Variants in NUDT17 observed in about 807,000 individuals in gnomAD.
NUDT17 encodes nudix hydrolase 17.
Under a neutral mutation model 38.6 loss-of-function variants are expected in NUDT17, and 38 were observed. The ratio of observed to expected loss-of-function variants is 0.98; its 90% CI spans 0.76 to 1.29. The LOEUF (loss-of-function observed/expected upper bound fraction) is 1.29. Among genes scored for constraint, NUDT17 ranks in the 50% most tolerant of loss-of-function variants. The pLI, the probability that NUDT17 is intolerant of heterozygous loss-of-function variation, is 0.00. For synonymous variants in NUDT17, 192 were observed against 167.8 expected, an observed-to-expected ratio of 1.14 and a Z score of -1.11; for missense variants, 462 against 415.2, an observed-to-expected ratio of 1.11 and a Z score of -0.98.
Position 145,845,763 on chromosome 1 carries a change from CT to C in NUDT17, c.125del (p.Leu42Ter). 1 of 1,583,522 alleles carries C rather than the reference CT, an allele frequency of 6.3e-7. No individual in the cohort carries two copies. The highest frequency in any genetic ancestry group is 8.6e-7 in the Non-Finnish European group (1 of 1,165,436). ...TCGGGACGTGGCCCATTCACTGCAG[CT>C]TGAAGCGAGGACGGCTTGTCCTCTC... is the stretch of plus-strand genomic sequence containing the variant. ...GLGTWPIHCS[L>X]KRGRLVLSSR... On this transcript the variant is annotated frameshift_variant, in exon 1 of 8. Coordinates refer to ENST00000334513, the MANE Select transcript of NUDT17 (RefSeq NM_001012758.3). LOFTEE classifies it high-confidence loss of function.
Position 145,845,702 on chromosome 1 carries a change from GGAGT to G in NUDT17, c.64_67del (p.Ser22CysfsTer20), listed in dbSNP as rs1408833503. The G allele has an allele frequency of 6.5e-7, 1 of 1,549,816 alleles. No individual in the cohort carries two copies. The highest frequency in any genetic ancestry group is 2.4e-5 in the East Asian group (1 of 41,100). On this transcript the variant is annotated frameshift_variant, in exon 1 of 8. Transcript: ENST00000334513. LOFTEE classifies it high-confidence loss of function. ...CGTCCGGAGTCGGTGAGCTTCGCAC[GGAGT>G]GTGTGTGGCCTCCTGGGAGCCGGAC...
chr1:145,848,329 C>A, intron 7 of NUDT17, 48 bp from the exon 8 acceptor site: 1 of 1,611,826 alleles, frequency 6.2e-7, no homozygotes, highest in Non-Finnish European at 8.5e-7. Context: ...TTTTTACAGG[C>A]ACGGGGGAAA....
rs782792008 is a variant in NUDT17, at chr1:145,848,474, A to G, written c.982A>G (p.Lys328Glu). 7 of 1,610,674 alleles carry G rather than the reference A, an allele frequency of 4.3e-6. No individual in the cohort carries two copies. The highest frequency in any genetic ancestry group is 5.9e-6 in the Non-Finnish European group (7 of 1,177,254). Residue 328 changes from lysine to glutamate, a missense_variant, in exon 8 of 8, where the codon AAG becomes GAG. Coordinates refer to ENST00000334513, the MANE Select transcript of NUDT17 (RefSeq NM_001012758.3). ...DPLPPNQGSG[K>E] Reference sequence around the variant, plus strand: ...TCTTCCCCCAAACCAGGGGTCTGGAAAGTGAAGTGTAAAATCCCCTCCCTA... The same window carrying G: ...TCTTCCCCCAAACCAGGGGTCTGGAGAGTGAAGTGTAAAATCCCCTCCCTA...
Position 145,848,040 on chromosome 1 carries a change from G to A in NUDT17, c.732-72G>A, listed in dbSNP as rs1335754741. Reference sequence around the variant, plus strand: ...CCTCCTGTGGTAGTTGGGAGGATTCGGGGACCTAACATATATGTAAGTTCT... The same window carrying A: ...CCTCCTGTGGTAGTTGGGAGGATTCAGGGACCTAACATATATGTAAGTTCT... On this transcript the variant is annotated intron_variant, in intron 6 of 7. Coordinates refer to ENST00000334513, the MANE Select transcript of NUDT17 (RefSeq NM_001012758.3). 38 of 1,566,752 alleles carry A rather than the reference G, an allele frequency of 2.4e-5. 1 individual carries two copies. The highest frequency in any genetic ancestry group is 6.7e-5 in the South Asian group (6 of 88,930).
chr1:145,848,608 G>A lies in NUDT17; in HGVS notation c.*129G>A. The A allele has an allele frequency of 1.4e-6, 1 of 699,932 alleles. No homozygotes were observed. Among genetic ancestry groups the A allele is most frequent in the South Asian group, 1.9e-5 (1 of 52,580 alleles). 43.4% of individuals were successfully genotyped at this position (699,932 alleles called of 1,614,324 possible). ...AATTACAACATAGGTCCTAGGCCTTGGCGAGCCTGAAAAAGAAGATTGGGA... is the reference window on the plus strand; with the variant it reads ...AATTACAACATAGGTCCTAGGCCTTAGCGAGCCTGAAAAAGAAGATTGGGA... On this transcript the variant is annotated 3_prime_UTR_variant, in exon 8 of 8. Transcript: ENST00000334513.
At chr1:145,846,544 G>T in intron 3 of NUDT17, 54 bp from the exon 4 acceptor site, 2 of 1,603,500 alleles carry the variant, frequency 1.2e-6, no homozygotes, top group Non-Finnish European at 8.5e-7. Flanking sequence ...GCAAGCAAAA[G>T]GACTTGGAAG....
chr1:145,847,557 T>TG (rs1246646853), intron 5 of NUDT17, 26 bp from the exon 6 acceptor site: 1 of 1,611,126 alleles, frequency 6.2e-7, no homozygotes. Flanking sequence ...AGGCAATGAC[T>TG]GAGGGGTCAC....
intron 2 of NUDT17, 79 bp downstream of exon 2, chr1:145,846,275 A>G (rs1652666124): frequency 2.7e-6 from 4 of 1,496,276 alleles, no homozygotes; most frequent in Non-Finnish European, 3.7e-6. Context: ...TCCCAGTCTC[A>G]GAAGGATAAA....
chr1:145,848,763 A>C lies in NUDT17; in HGVS notation c.*284A>C, dbSNP rs1272074977. On this transcript the variant is annotated 3_prime_UTR_variant, in exon 8 of 8. Transcript: ENST00000334513. ...TGTGAACTTAGATATATAAATAGAG[A>C]GAGACCCAAGCAATAGGCCGGGCCT... The C allele has an allele frequency of 9.3e-6, 3 of 323,266 alleles. No individual in the cohort carries two copies. Among genetic ancestry groups the C allele is most frequent in the Non-Finnish European group, 1.7e-5 (3 of 176,108 alleles). The allele number at this position is 323,266 out of a possible 1,614,324, so 20.0% of individuals were successfully genotyped here.
intron 5 of NUDT17, 108 bp downstream of exon 5, chr1:145,847,456 C>G: frequency 2.1e-6 from 3 of 1,444,134 alleles, no homozygotes; most frequent in Non-Finnish European, 1.9e-6. Flanking sequence ...TCAGAGATAA[C>G]GAAGAATATG....
chr1:145,847,841 C>T (rs1652782235), intron 6 of NUDT17, 122 bp downstream of exon 6: 1 of 1,007,422 alleles, frequency 9.9e-7, no homozygotes, highest in Non-Finnish European at 1.5e-6. Context: ...GAGAGTGGGT[C>T]AGCTGATAAT....
At position 145,848,248 on chromosome 1, in the gene NUDT17, C is replaced by T. The variant is rs782264140; in HGVS notation, c.868C>T (p.Leu290=). ...TGTKFALKLW[L]QHLGRTPPPC... ...AACCAAGTTTGCCCTCAAGCTCTGG[C>T]TGCAACATCTGGGCAGGTAAAAGTG... The change falls in exon 7 of 8, where the codon CTG becomes TTG. Residue 290 remains leucine (L), a synonymous_variant. Transcript: ENST00000334513. The T allele has an allele frequency of 1.5e-5, 24 of 1,614,106 alleles. No individual in the cohort carries two copies. Among genetic ancestry groups the T allele is most frequent in the Non-Finnish European group, 1.9e-5 (22 of 1,180,040 alleles).
At chr1:145,845,861 G>T in intron 1 of NUDT17, 29 bp downstream of exon 1, 2 of 1,555,148 alleles carry the variant, frequency 1.3e-6, no homozygotes, top group Admixed American at 1.9e-5. Context: ...CAGAGCGGGG[G>T]CAGTGAAGGG....
chr1:145,846,981 C>G (rs587757239), intron 4 of NUDT17, among the ~76,000 whole-genome samples: 2 of 152,292 alleles, frequency 1.3e-5, no homozygotes, highest in South Asian at 2.1e-4. Context: ...CACCTGAGGT[C>G]AGAAGTTTGA....
rs1426038288 is a variant in NUDT17 at position 145,846,027 on chromosome 1, C to T, written c.207C>T (p.Cys69=). The T allele has an allele frequency of 2.5e-6, 4 of 1,602,868 alleles. No individual in the cohort carries two copies. Among genetic ancestry groups the T allele is most frequent in the East Asian group, 2.2e-5 (1 of 44,500 alleles). The change falls in exon 2 of 8, where the codon TGC becomes TGT. Residue 69 remains cysteine, a synonymous_variant. Transcript: ENST00000334513. ...ARLPLQRPPF[C]PFAALEERPR... ...CCTTCTGCCAGCGACCCCCTTTCTG[C>T]CCTTTTGCGGCCCTGGAGGAGCGGC...
chr1:145,848,237 T>A lies in NUDT17; in HGVS notation c.857T>A (p.Leu286His). The change falls in exon 7 of 8, where the codon CTC becomes CAC. Residue 286 changes from leucine (L) to histidine (H), a missense_variant. Leu to His is a moderately conservative substitution (Grantham distance 99). Transcript: ENST00000334513. ...ERVSTGTKFALKLWLQHLGRT... is the reference protein window; with the variant it reads ...ERVSTGTKFAHKLWLQHLGRT... ...GTCAGCACTGGAACCAAGTTTGCCC[T>A]CAAGCTCTGGCTGCAACATCTGGGC... The A allele has an allele frequency of 6.2e-7, 1 of 1,614,146 alleles. No individual in the cohort carries two copies. Among genetic ancestry groups the A allele is most frequent in the Non-Finnish European group, 8.5e-7 (1 of 1,180,026 alleles).
Position 145,848,145 on chromosome 1 carries a change from A to C in NUDT17, c.765A>C (p.Arg255=), listed in dbSNP as rs782383053. The change falls in exon 7 of 8, where the codon CGA becomes CGC. Residue 255 remains arginine, a synonymous_variant. Transcript: ENST00000334513. The part of the protein sequence containing the change: ...AVELEEDGRA[R]PLVLHMSTLL... ...AACTAGAGGAGGATGGAAGAGCCCG[A>C]CCTCTGGTCCTGCACATGTCCACCC... 1.2e-6 allele frequency: 2 copies of C among 1,613,844 alleles called. No homozygotes were observed. The highest frequency in any genetic ancestry group is 1.3e-5 in the African/African-American group (1 of 74,896).
In NUDT17 at chr1:145,845,693, G is replaced by T. The variant is rs782505484; in HGVS notation, c.53G>T (p.Ser18Ile). 6.5e-7 allele frequency: 1 copy of T among 1,546,220 alleles called. No homozygotes were observed. Among genetic ancestry groups the T allele is most frequent in the South Asian group, 1.2e-5 (1 of 84,018 alleles). ...LLLSRRPESV[S>I]FARSVCGLLG... ...CTGTCCCGGCGTCCGGAGTCGGTGA[G>T]CTTCGCACGGAGTGTGTGTGGCCTC... The change falls in exon 1 of 8, where the codon AGC (serine) becomes ATC (isoleucine). Residue 18 changes from serine to isoleucine, a missense_variant. By Grantham distance (142) the Ser-to-Ile change is moderately radical. Coordinates refer to ENST00000334513, the MANE Select transcript of NUDT17 (RefSeq NM_001012758.3).
chr1:145,847,156 T>C (rs1652735379), intron 4 of NUDT17, 94 bp from the exon 5 acceptor site: 1 of 721,368 alleles, frequency 1.4e-6, no homozygotes, highest in Non-Finnish European at 2.4e-6. Flanking sequence ...ATCACGCCAT[T>C]GCATGCCAGC....
Sources: gnomAD v4.1 joint callset for allele counts (sites outside exome capture counted in the v4.1 genomes callset) on GRCh38, gnomAD v4.1.1 for gene constraint, MANE v1.5 for transcripts, NCBI Gene and HGNC (gene_info 2026-07-23, HGNC 2026-07-21) for gene names.